GART: variants seen among roughly 807,000 people sequenced by gnomAD.
GART encodes the protein phosphoribosylglycinamide formyltransferase, phosphoribosylglycinamide synthetase, phosphoribosylaminoimidazole synthetase.
In GART, 43 loss-of-function variants were observed where a neutral mutation model predicts 107.2. The observed-to-expected ratio is 0.40, with a 90% CI of 0.31 to 0.52. The LOEUF is 0.52. Ranked by LOEUF, GART falls within the 20% of genes least tolerant of loss-of-function variation. The pLI is 0.52. For synonymous variants in GART, 434 were observed against 427.0 expected, an observed-to-expected ratio of 1.02 and a Z score of -0.20; for missense variants, 1,107 against 1,206.5, an observed-to-expected ratio of 0.92 and a Z score of 1.22.
chr21:33,539,082 T>C (rs13052247), intron 2 of GART, 89 bp downstream of exon 2: 2 of 1,299,034 alleles, frequency 1.5e-6, no homozygotes, highest in East Asian at 2.5e-5. Flanking sequence ...GCCCAGCCTA[T>C]CTTTATTAAC....
In GART at chr21:33,504,569, C is replaced by T. The variant is rs2084647344; in HGVS notation, c.2726-42G>A. 6 of 1,396,238 alleles carry T rather than the reference C, an allele frequency of 4.3e-6. No individual in the cohort carries two copies. In the African/African-American group the frequency reaches 7.2e-5, roughly 17 times the overall value. The allele number at this position is 1,396,238 out of a possible 1,614,324, so 86.5% of individuals were successfully genotyped here. ...GCATAGTGGTCAGAATTTAAAAATC[C>T]TGGGTATTCTGTTAAAGGAATACGT... is the stretch of plus-strand genomic sequence containing the variant. On this transcript the variant is annotated intron_variant, in intron 20 of 21. Coordinates refer to ENST00000381815, the MANE Select transcript of GART (RefSeq NM_000819.5).
intron 10 of GART, among the ~76,000 whole-genome samples, chr21:33,526,966 T>C (rs1412988690): frequency 6.6e-6 from 1 of 152,218 alleles, no homozygotes; most frequent in African/African-American, 2.4e-5. Flanking sequence ...ACAAAGCCAT[T>C]TAGTGATTCT....
At chr21:33,528,100 A>AG (rs2085108366) in intron 10 of GART, 67 bp downstream of exon 10, 2 of 1,449,326 alleles carry the variant, frequency 1.4e-6, no homozygotes, top group Non-Finnish European at 1.9e-6. Flanking sequence ...TTAGTGTGAG[A>AG]GGGGGGTCTG....
At chr21:33,538,618 A>G (rs760015692) in intron 2 of GART, among the ~76,000 whole-genome samples, 3 of 152,232 alleles carry the variant, frequency 2.0e-5, no homozygotes, top group African/African-American at 4.8e-5. Context: ...GGCACTTACT[A>G]CTTTTCCAAT....
In GART at chr21:33,504,065, C is replaced by T. The variant is rs764897933; in HGVS notation, c.*59G>A. ...TTGGGCCAAGTCCATGATAAAAAAC[C>T]ACCATGCAAACAGCAAATAATTCTT... On this transcript the variant is annotated 3_prime_UTR_variant, in exon 22 of 22. Coordinates refer to ENST00000381815, the MANE Select transcript of GART (RefSeq NM_000819.5). 1 of 1,467,798 alleles carries T rather than the reference C, an allele frequency of 6.8e-7. No homozygotes were observed. The highest frequency in any genetic ancestry group is 9.2e-7 in the Non-Finnish European group (1 of 1,091,794). The allele number at this position is 1,467,798 out of a possible 1,614,324, so 90.9% of individuals were successfully genotyped here. A position where few individuals can be genotyped will look rare whatever the true frequency, so the allele number is the denominator to read the frequency against.
intron 16 of GART, 35 bp downstream of exon 16, chr21:33,516,945 TCCTCAGCAA>T: frequency 1.9e-6 from 3 of 1,538,738 alleles, no homozygotes; most frequent in Admixed American, 2.0e-5. Context: ...TGCATTTTTT[TCCTCAGCAA>T]TTTTCTGAAC....
At chr21:33,533,445 A>T (rs1465515589) in intron 4 of GART, among the ~76,000 whole-genome samples, 1 of 150,586 alleles carries the variant, frequency 6.6e-6, no homozygotes, top group Non-Finnish European at 1.5e-5. Context: ...ACTCAAAAAA[A>T]AAAAAATAAA....
intron 10 of GART, among the ~76,000 whole-genome samples, chr21:33,525,836 C>T (rs139948843): frequency 6.0e-5 from 9 of 150,176 alleles, no homozygotes; most frequent in African/African-American, 2.0e-4. Context: ...CATCTGATCA[C>T]ATTAATCTTT....
At chr21:33,511,194 T>C in intron 17 of GART, 58 bp downstream of exon 17, 12 of 1,573,566 alleles carry the variant, frequency 7.6e-6, no homozygotes, top group Non-Finnish European at 7.0e-6. Context: ...AAGGCTGAGG[T>C]ATAGCTAAAA....
Position 33,503,953 on chromosome 21 carries a change from C to T in GART, c.*171G>A. The T allele has an allele frequency of 1.8e-6, 1 of 542,068 alleles. No individual in the cohort carries two copies. The highest frequency in any genetic ancestry group is 3.6e-5 in the South Asian group (1 of 27,678). 33.6% of individuals were successfully genotyped at this position (542,068 alleles called of 1,614,324 possible). ...GTATGTCTCAGATATGCTGCACTAA[C>T]TAGTCTTGTTTTTAGTGAGTCTCTA... On this transcript the variant is annotated 3_prime_UTR_variant, in exon 22 of 22. Transcript: ENST00000381815.
At chr21:33,506,707 A>C (rs190413387) in intron 18 of GART, among the ~76,000 whole-genome samples, 8 of 152,348 alleles carry the variant, frequency 5.3e-5, no homozygotes, top group African/African-American at 1.9e-4. Flanking sequence ...TAAGGAGCTT[A>C]AACAATTCAT....
At chr21:33,534,203 G>C (rs1226173110) in intron 4 of GART, among the ~76,000 whole-genome samples, 1 of 152,056 alleles carries the variant, frequency 6.6e-6, no homozygotes, top group African/African-American at 2.4e-5. Flanking sequence ...CAACACAGAA[G>C]TGACCTGTAT....
chr21:33,530,238 G>C (rs141031558), intron 7 of GART, among the ~76,000 whole-genome samples: 190 of 152,322 alleles, frequency 1.2e-3, no homozygotes, highest in Middle Eastern at 6.8e-3. Context: ...GTTTGGAAAC[G>C]TGTTGTCTGT....
rs748557148 is a variant in GART, at chr21:33,528,942, A to G, written c.724-5T>C. ...TAGTAATAGATCATTAGAAACCTGG[A>G]GAACGTGCAGAAACAGTTAAATGTA... On this transcript the variant is annotated splice_polypyrimidine_tract_variant and splice_region_variant and intron_variant, in intron 7 of 21. Coordinates refer to ENST00000381815, the MANE Select transcript of GART (RefSeq NM_000819.5). 22 of 1,585,822 alleles carry G rather than the reference A, an allele frequency of 1.4e-5. No individual in the cohort carries two copies. The East Asian group carries it at 4.5e-4, about 32-fold the overall frequency.
At chr21:33,512,737 C>T (rs919719762) in intron 16 of GART, among the ~76,000 whole-genome samples, 11 of 142,318 alleles carry the variant, frequency 7.7e-5, no homozygotes, top group Admixed American at 2.2e-4. Context: ...TACAGGCATG[C>T]GACACCATGC....
chr21:33,516,859 C>T, intron 16 of GART, 130 bp downstream of exon 16: 2 of 769,510 alleles, frequency 2.6e-6, no homozygotes, highest in South Asian at 2.1e-5. Flanking sequence ...GTTTTTCCCT[C>T]CCAAAACCCC....
chr21:33,515,596 C>A (rs929028443), intron 16 of GART, among the ~76,000 whole-genome samples: 3 of 144,458 alleles, frequency 2.1e-5, no homozygotes, highest in African/African-American at 7.8e-5. Flanking sequence ...GCTGCGATTG[C>A]GCCACTGCAC....
At chr21:33,534,379 T>C (rs1345921446) in intron 4 of GART, among the ~76,000 whole-genome samples, 200 bp downstream of exon 4, 1 of 151,912 alleles carries the variant, frequency 6.6e-6, no homozygotes, top group Non-Finnish European at 1.5e-5. Flanking sequence ...TGCCCGGCTT[T>C]TTTTTTTCTG....
chr21:33,523,967 CAAAAAAAAA>C (rs747171882), intron 11 of GART: 8 of 601,556 alleles, frequency 1.3e-5, no homozygotes, highest in Non-Finnish European at 1.5e-5. Flanking sequence ...AATTCTGTCT[CAAAAAAAAA>C]AAAAAAAAAA....
Sources: allele counts gnomAD v4.1 joint callset (sites outside exome capture counted in the v4.1 genomes callset), GRCh38; gene constraint gnomAD v4.1.1; transcripts MANE v1.5; gene names NCBI Gene and HGNC (gene_info 2026-07-23, HGNC 2026-07-21).